Variants in ME1 observed in about 807,000 individuals in gnomAD.
ME1 encodes malic enzyme 1, also known as NADP-dependent malic enzyme.
ME1 carries 74 observed loss-of-function variants against 66.4 expected under a neutral mutation model. That is an observed-to-expected ratio of 1.11 (90% CI 0.92 to 1.35). The LOEUF (loss-of-function observed/expected upper bound fraction) is 1.35, where lower values mean the gene tolerates loss of function less well. Ranked by LOEUF, ME1 falls within the 40% of genes most tolerant of loss-of-function variation. ME1 has a pLI of 0.00. For missense variants in ME1, 750 were observed against 694.1 expected (o/e 1.08, Z -0.90); for synonymous variants, 251 against 235.6 (o/e 1.07, Z -0.60).
At chr6:83,228,952 A>G (rs750785054) in intron 9 of ME1, 21 bp from the exon 10 acceptor site, 1 of 1,526,852 alleles carries the variant, frequency 6.5e-7, no homozygotes, top group South Asian at 1.2e-5. Context: ...CCAGTAAGAA[A>G]AAATTAAGAA....
intron 2 of ME1, among the ~76,000 whole-genome samples, chr6:83,402,129 C>T (rs1769851810): frequency 6.6e-6 from 1 of 152,222 alleles, no homozygotes; most frequent in African/African-American, 2.4e-5. Flanking sequence ...TGTTTCCCAA[C>T]AATCTGAAGC....
intron 12 of ME1, among the ~76,000 whole-genome samples, chr6:83,218,719 T>G (rs77546875): frequency 1.1e-4 from 16 of 152,348 alleles, no homozygotes; most frequent in African/African-American, 3.8e-4. Context: ...TTTGCCCTTT[T>G]CCATGCCCTT....
chr6:83,414,727 C>G (rs537269384), intron 1 of ME1, among the ~76,000 whole-genome samples: 18 of 152,204 alleles, frequency 1.2e-4, no homozygotes, highest in African/African-American at 4.1e-4. Flanking sequence ...GTTATAGATT[C>G]TTTGTAAGGC....
intron 6 of ME1, among the ~76,000 whole-genome samples, chr6:83,271,609 G>C (rs1310130789): frequency 6.6e-6 from 1 of 152,014 alleles, no homozygotes; most frequent in East Asian, 1.9e-4. Flanking sequence ...TACGTTGTGG[G>C]TTCTGTGGTA....
At chr6:83,381,653 G>A (rs1446670533) in intron 3 of ME1, among the ~76,000 whole-genome samples, 1 of 152,030 alleles carries the variant, frequency 6.6e-6, no homozygotes, top group Admixed American at 6.6e-5. Context: ...GCTGCTATTG[G>A]CAACTCTGTT....
At chr6:83,348,584 T>C (rs1768730756) in intron 4 of ME1, among the ~76,000 whole-genome samples, 1 of 151,578 alleles carries the variant, frequency 6.6e-6, no homozygotes, top group African/African-American at 2.4e-5. Flanking sequence ...ACACAGAGAG[T>C]TGTTATTTGG....
chr6:83,285,451 CTT>C (rs1767378400), intron 6 of ME1, among the ~76,000 whole-genome samples: 1 of 152,106 alleles, frequency 6.6e-6, no homozygotes, highest in Admixed American at 6.6e-5. Flanking sequence ...TTTTATTGTA[CTT>C]GCTGAAGACA....
intron 7 of ME1, among the ~76,000 whole-genome samples, chr6:83,250,204 C>T (rs1790698823): frequency 6.7e-6 from 1 of 149,634 alleles, no homozygotes. Flanking sequence ...CTCAAACTTC[C>T]AATCCTGTTA....
chr6:83,226,025 C>G (rs9444049), intron 11 of ME1, among the ~76,000 whole-genome samples: 2 of 151,796 alleles, frequency 1.3e-5, no homozygotes, highest in Admixed American at 6.6e-5. Context: ...AATAGTCTTT[C>G]TGTATATTGT....
chr6:83,210,559 C>T lies in ME1; in HGVS notation c.*1365G>A, dbSNP rs1054109822. ...TCTCCAAATAACTATTTTGAGGAAA[C>T]TCTTGACTATATGTTACCTTTAGAA... On this transcript the variant is annotated 3_prime_UTR_variant, in exon 14 of 14. Transcript: ENST00000369705. 1 of 152,494 alleles carries T rather than the reference C, an allele frequency of 6.6e-6. No homozygotes were observed. Among genetic ancestry groups the T allele is most frequent in the African/African-American group, 2.4e-5 (1 of 41,434 alleles). The allele number at this position is 152,494 out of a possible 1,614,324, so 9.4% of individuals were successfully genotyped here.
At chr6:83,320,323 C>T (rs186216760) in intron 5 of ME1, among the ~76,000 whole-genome samples, 2 of 152,354 alleles carry the variant, frequency 1.3e-5, no homozygotes, top group African/African-American at 2.4e-5. Context: ...CCCAGTTCTT[C>T]ACACTTGTTG....
chr6:83,241,593 G>T (rs1192160700), intron 7 of ME1, among the ~76,000 whole-genome samples: 1 of 151,938 alleles, frequency 6.6e-6, no homozygotes, highest in Non-Finnish European at 1.5e-5. Flanking sequence ...TCCATTTATA[G>T]AATTAATTAA....
intron 3 of ME1, among the ~76,000 whole-genome samples, chr6:83,358,712 A>G (rs949841270): frequency 3.3e-5 from 5 of 152,050 alleles, no homozygotes; most frequent in African/African-American, 1.2e-4. Flanking sequence ...TCTTTTTTCC[A>G]GAAGGAACAG....
At chr6:83,216,388 A>G in intron 13 of ME1, 110 bp downstream of exon 13, 4 of 782,650 alleles carry the variant, frequency 5.1e-6, no homozygotes, top group Non-Finnish European at 8.6e-6. Flanking sequence ...CTGACATAGT[A>G]AGTTGATACA....
At chr6:83,379,760 C>T (rs1468555000) in intron 3 of ME1, among the ~76,000 whole-genome samples, 1 of 151,910 alleles carries the variant, frequency 6.6e-6, no homozygotes, top group Admixed American at 6.6e-5. Context: ...TCTGTAATCA[C>T]GTTTCAAACT....
At chr6:83,362,295 A>G (rs1229096821) in intron 3 of ME1, among the ~76,000 whole-genome samples, 1 of 152,188 alleles carries the variant, frequency 6.6e-6, no homozygotes, top group African/African-American at 2.4e-5. Context: ...TTTGGGGAAG[A>G]GGTATGTGGA....
chr6:83,212,925 C>T (rs949420092), intron 13 of ME1, among the ~76,000 whole-genome samples: 9 of 152,042 alleles, frequency 5.9e-5, no homozygotes, highest in African/African-American at 2.2e-4. Flanking sequence ...TTTTGACCAA[C>T]TCAGACTATC....
Position 83,241,701 on chromosome 6 carries a change from A to G in ME1, c.815-2065T>C, listed in dbSNP as rs189699971. Among the ~76,000 whole-genome samples, 770 of 152,320 alleles carry G rather than the reference A, an allele frequency of 5.1e-3. 3 individuals are homozygous for G. The highest frequency in any genetic ancestry group is 8.8e-3 in the Non-Finnish European group (596 of 68,016). On this transcript the variant is annotated intron_variant, in intron 7 of 13. Coordinates refer to ENST00000369705, the MANE Select transcript of ME1 (RefSeq NM_002395.6). The stretch of plus-strand genomic sequence containing the variant: ...TACCTTGATTTAAATTTCATTGCAG[A>G]GAAGGGAATACATGTAGAAAATTGA...
chr6:83,398,632 C>T (rs986408692), intron 2 of ME1, 116 bp from the exon 3 acceptor site: 1 of 556,552 alleles, frequency 1.8e-6, no homozygotes, highest in Non-Finnish European at 3.1e-6. Context: ...ACATAGAAAA[C>T]ATCTGATTAA....
Sources: gnomAD v4.1 joint callset for allele counts (sites outside exome capture counted in the v4.1 genomes callset) on GRCh38, gnomAD v4.1.1 for gene constraint, MANE v1.5 for transcripts, NCBI Gene and HGNC (gene_info 2026-07-23, HGNC 2026-07-21) for gene names.